The following TNR variants were observed in gnomAD, a reference collection of about 807,000 sequenced individuals.
TNR encodes the protein tenascin-R.
In TNR, 45 loss-of-function variants were observed where a neutral mutation model predicts 150.4. The ratio of observed to expected loss-of-function variants is 0.30; its 90% CI spans 0.24 to 0.38. The LOEUF (loss-of-function observed/expected upper bound fraction) is 0.38. Ranked by LOEUF, TNR falls within the 10% of genes least tolerant of loss-of-function variation. TNR has a pLI of 1.00. For synonymous variants in TNR, 687 were observed against 678.4 expected (o/e 1.01, Z -0.20); for missense variants, 1,544 against 1,759.1 (o/e 0.88, Z 2.19).
At chr1:175,720,370 C>T (rs549539880) in intron 1 of TNR, among the ~76,000 whole-genome samples, 6 of 152,308 alleles carry the variant, frequency 3.9e-5, no homozygotes, top group African/African-American at 1.4e-4. Flanking sequence ...TAATCTTGAA[C>T]ATCTAGTCTC....
intron 2 of TNR, among the ~76,000 whole-genome samples, chr1:175,449,242 G>A (rs375632717): frequency 1.4e-4 from 22 of 152,138 alleles, no homozygotes; most frequent in African/African-American, 3.4e-4. Flanking sequence ...TTCCCAGGGC[G>A]CTCTGCTCCT....
chr1:175,664,728 T>G (rs1351628602), intron 1 of TNR, among the ~76,000 whole-genome samples: 1 of 152,230 alleles, frequency 6.6e-6, no homozygotes, highest in African/African-American at 2.4e-5. Flanking sequence ...AGATTCAGGT[T>G]AGAATAAGCC....
intron 2 of TNR, among the ~76,000 whole-genome samples, chr1:175,487,798 C>T (rs1259722569): frequency 1.3e-5 from 2 of 152,122 alleles, no homozygotes; most frequent in East Asian, 3.9e-4. Flanking sequence ...AAGGTAGTGC[C>T]TCTTGTTTTT....
chr1:175,348,681 G>A (rs1021062522), intron 18 of TNR, among the ~76,000 whole-genome samples: 7 of 151,824 alleles, frequency 4.6e-5, no homozygotes, highest in African/African-American at 1.7e-4. Flanking sequence ...CAGAACAGAT[G>A]GATTATTTAA....
chr1:175,456,412 C>T lies in TNR; in HGVS notation c.-63-49635G>A, dbSNP rs541646348. On this transcript the variant is annotated intron_variant, in intron 2 of 22. Transcript: ENST00000367674. ...ATTTATTTTGTTAATATTTTTGTGT[C>T]CCGTCACTACAATGCAAGTTCCACA... is the stretch of plus-strand genomic sequence containing the variant. 3.3e-4 allele frequency among the ~76,000 whole-genome samples: 51 copies of T among 152,254 alleles called. No homozygotes were observed. In the South Asian group the frequency reaches 5.6e-3, roughly 17 times the overall value.
intron 2 of TNR, among the ~76,000 whole-genome samples, chr1:175,497,330 A>C (rs1226745053): frequency 1.3e-5 from 2 of 152,170 alleles, no homozygotes; most frequent in Admixed American, 6.5e-5. Flanking sequence ...ACCGTCAATT[A>C]CAGCAAATGT....
chr1:175,735,329 G>C (rs1667744856), intron 1 of TNR, among the ~76,000 whole-genome samples: 1 of 152,138 alleles, frequency 6.6e-6, no homozygotes, highest in Admixed American at 6.5e-5. Flanking sequence ...CACCGTGACT[G>C]TCAGCTGATC....
chr1:175,386,225 T>C lies in TNR; in HGVS notation c.1584A>G (p.Arg528=). The change falls in exon 8 of 23, where the codon CGA becomes CGG. Residue 528 remains arginine, a synonymous_variant. Transcript: ENST00000367674. ...TCAAAAGAATGAAATCGACTTTGGC[T>C]CGAGGGGGAATCCACTCCACAAAAG... is the stretch of plus-strand genomic sequence containing the variant. ...TVAFVEWIPP[R]AKVDFILLKY... 3 of 1,609,678 alleles carry C rather than the reference T, an allele frequency of 1.9e-6. No individual in the cohort carries two copies. Among genetic ancestry groups the C allele is most frequent in the Non-Finnish European group, 2.5e-6 (3 of 1,176,546 alleles).
intron 9 of TNR, 66 bp from the exon 10 acceptor site, chr1:175,367,363 G>T: frequency 1.5e-6 from 2 of 1,351,352 alleles, no homozygotes; most frequent in South Asian, 2.4e-5. Flanking sequence ...GCTGAAAGTG[G>T]GAAGAAAATG....
At chr1:175,403,009 A>C in intron 4 of TNR, 131 bp downstream of exon 4, 1 of 779,748 alleles carries the variant, frequency 1.3e-6, no homozygotes, top group Non-Finnish European at 2.1e-6. Flanking sequence ...GCAAATGAGT[A>C]CAACTCAATT....
chr1:175,425,169 G>T (rs1654916640), intron 2 of TNR, among the ~76,000 whole-genome samples: 1 of 152,142 alleles, frequency 6.6e-6, no homozygotes, highest in African/African-American at 2.4e-5. Context: ...TGTGGAGCTT[G>T]GGAATCATAC....
At chr1:175,469,425 T>C (rs1657178417) in intron 2 of TNR, among the ~76,000 whole-genome samples, 1 of 152,020 alleles carries the variant, frequency 6.6e-6, no homozygotes, top group African/African-American at 2.4e-5. Context: ...AAATGGGTAA[T>C]TAATGGTGTG....
intron 9 of TNR, among the ~76,000 whole-genome samples, chr1:175,373,437 C>T (rs1377246270): frequency 2.0e-5 from 3 of 152,142 alleles, no homozygotes; most frequent in Non-Finnish European, 4.4e-5. Context: ...CCACACTTAT[C>T]TCTTTGGATA....
intron 2 of TNR, among the ~76,000 whole-genome samples, chr1:175,457,608 T>C (rs930017136): frequency 1.3e-5 from 2 of 152,222 alleles, no homozygotes; most frequent in East Asian, 1.9e-4. Flanking sequence ...TAAATGAATG[T>C]GTTTTCATCA....
At position 175,354,418 on chromosome 1, in the gene TNR, T is replaced by C. The variant is rs544150406; in HGVS notation, c.3355A>G (p.Ser1119Gly). The change falls in exon 18 of 23, where the codon AGC becomes GGC. Residue 1119 changes from serine to glycine, a missense_variant. This residue lies in a region of TNR where 290 missense variants were observed against 429.7 expected (regional missense o/e 0.67). Coordinates refer to ENST00000367674, the MANE Select transcript of TNR (RefSeq NM_003285.3). ...LQAAQDTTWS[S>G]ITSTAFTTGG... is the part of the protein sequence containing the mutation. ...GTGGTGAAAGCGGTGGAGGTGATGCTGCTCCACGTGGTGTCCTGTGCTGCC... is the reference window on the plus strand; with the variant it reads ...GTGGTGAAAGCGGTGGAGGTGATGCCGCTCCACGTGGTGTCCTGTGCTGCC... 25 of 1,613,996 alleles carry C rather than the reference T, an allele frequency of 1.5e-5. No homozygotes were observed. The highest frequency in any genetic ancestry group is 4.4e-5 in the South Asian group (4 of 91,084).
rs369688498 is a variant in TNR at position 175,457,319 on chromosome 1, C to A, written c.-63-50542G>T. 7.9e-5 allele frequency among the ~76,000 whole-genome samples: 12 copies of A among 152,306 alleles called. No individual in the cohort carries two copies. The East Asian group carries it at 1.9e-3, about 24-fold the overall frequency. ...AGGATGTGTTGGGAGGGGCTCCATTCCAATAGACAGCGCCCATAGGCATTA... is the reference window on the plus strand; with the variant it reads ...AGGATGTGTTGGGAGGGGCTCCATTACAATAGACAGCGCCCATAGGCATTA... On this transcript the variant is annotated intron_variant, in intron 2 of 22. Coordinates refer to ENST00000367674, the MANE Select transcript of TNR (RefSeq NM_003285.3).
intron 2 of TNR, among the ~76,000 whole-genome samples, chr1:175,428,373 A>G (rs1655108186): frequency 6.6e-6 from 1 of 152,166 alleles, no homozygotes; most frequent in Non-Finnish European, 1.5e-5. Context: ...GAGGGAACTG[A>G]TATAAGCTAC....
chr1:175,598,307 T>C (rs1471775365), intron 1 of TNR, among the ~76,000 whole-genome samples: 1 of 152,242 alleles, frequency 6.6e-6, no homozygotes, highest in African/African-American at 2.4e-5. Flanking sequence ...CGATTATTTT[T>C]AGAGCATTTA....
intron 2 of TNR, among the ~76,000 whole-genome samples, chr1:175,432,462 G>C (rs1432251997): frequency 6.6e-6 from 1 of 152,118 alleles, no homozygotes. Context: ...TAGAAAACGG[G>C]CACCCGGTAA....
Sources: gnomAD v4.1 joint callset for allele counts (sites outside exome capture counted in the v4.1 genomes callset) on GRCh38, gnomAD v4.1.1 for gene constraint, gnomAD v4.1.1 regional missense constraint, MANE v1.5 for transcripts, NCBI Gene and HGNC (gene_info 2026-07-23, HGNC 2026-07-21) for gene names.